Variants in NFIB observed in about 807,000 individuals in gnomAD.
The protein encoded by NFIB is nuclear factor I B.
In NFIB, 11 loss-of-function variants were observed where a neutral mutation model predicts 61.5. That is an observed-to-expected ratio of 0.18 (90% CI 0.11 to 0.30). NFIB has a LOEUF of 0.30. NFIB is among the 10% of genes least tolerant of loss of function. The pLI, the probability that NFIB is intolerant of heterozygous loss-of-function variation, is 1.00. For synonymous variants in NFIB, 260 were observed against 216.5 expected (o/e 1.20, Z -1.76); for missense variants, 471 against 608.9 (o/e 0.77, Z 2.38).
the NFIB span, among the ~76,000 whole-genome samples, chr9:14,486,819 G>A: frequency 6.6e-6 from 1 of 152,068 alleles, no homozygotes; most frequent in Non-Finnish European, 1.5e-5. Flanking sequence ...TAGGAAATTT[G>A]TCCTTACTTT....
the NFIB span, among the ~76,000 whole-genome samples, chr9:14,501,097 T>C: frequency 1.3e-5 from 2 of 152,214 alleles, no homozygotes; most frequent in African/African-American, 4.8e-5. Flanking sequence ...CTTTTGACTT[T>C]TAAAGCTTAC....
chr9:14,448,651 T>C, the NFIB span, among the ~76,000 whole-genome samples: 3 of 152,168 alleles, frequency 2.0e-5, no homozygotes, highest in Admixed American at 2.0e-4. Flanking sequence ...TGGAGTGTAC[T>C]GAATAAGACA....
the NFIB span, among the ~76,000 whole-genome samples, chr9:14,468,778 A>T: frequency 6.6e-6 from 1 of 152,228 alleles, no homozygotes; most frequent in Non-Finnish European, 1.5e-5. Flanking sequence ...TTAAATTCCA[A>T]AACAATTTCA....
At chr9:14,357,858 A>T (rs2061194421) in intron 1 of NFIB, 1 of 152,216 alleles carries the variant, frequency 6.6e-6, no homozygotes, top group African/African-American at 2.4e-5. Context: ...GGACCTTAAA[A>T]TATCATGCTA....
At chr9:14,513,739 T>C in the NFIB span, among the ~76,000 whole-genome samples, 1 of 152,180 alleles carries the variant, frequency 6.6e-6, no homozygotes, top group South Asian at 2.1e-4. Flanking sequence ...TAAGTTTTGA[T>C]ATTGATTACA....
At chr9:14,309,986 G>A (rs973046924) in intron 1 of NFIB, among the ~76,000 whole-genome samples, 4 of 152,262 alleles carry the variant, frequency 2.6e-5, no homozygotes, top group African/African-American at 9.6e-5. Flanking sequence ...GTGGTAACAC[G>A]TAAGTACTTA....
At chr9:14,301,437 G>C (rs966478751) in intron 2 of NFIB, among the ~76,000 whole-genome samples, 22 of 152,060 alleles carry the variant, frequency 1.4e-4, no homozygotes, top group Non-Finnish European at 2.8e-4. Flanking sequence ...GTATATACAG[G>C]GTGGGGGGAA....
chr9:14,293,445 C>T (rs960151943), intron 2 of NFIB, among the ~76,000 whole-genome samples: 2 of 152,152 alleles, frequency 1.3e-5, no homozygotes, highest in African/African-American at 2.4e-5. Flanking sequence ...AATTCACATC[C>T]CTGAGTATGA....
intron 1 of NFIB, among the ~76,000 whole-genome samples, chr9:14,329,414 G>A (rs1242269975): frequency 1.3e-5 from 2 of 152,048 alleles, no homozygotes; most frequent in Admixed American, 6.6e-5. Context: ...CACCTTTTAT[G>A]CTCCAGGTCA....
chr9:14,252,654 T>C (rs2055767742), intron 2 of NFIB, among the ~76,000 whole-genome samples: 1 of 139,902 alleles, frequency 7.1e-6, no homozygotes, highest in South Asian at 2.1e-4. Flanking sequence ...GTCAATGAAC[T>C]ATCTGTTACT....
intron 2 of NFIB, among the ~76,000 whole-genome samples, chr9:14,231,133 A>AT (rs1392498228): frequency 0.055 from 3,629 of 65,722 alleles, 53 homozygotes; most frequent in South Asian, 0.1. Flanking sequence ...AAAAAAAAAA[A>AT]AAATATATAT....
At chr9:14,144,635 C>G (rs7042124) in intron 6 of NFIB, among the ~76,000 whole-genome samples, 7,990 of 152,212 alleles carry the variant, frequency 0.052, 605 homozygotes, top group African/African-American at 0.17. Context: ...GGTCCCTTCT[C>G]TCACAGTGTA....
intron 4 of NFIB, among the ~76,000 whole-genome samples, chr9:14,154,402 C>A (rs185817045): frequency 3.9e-5 from 6 of 152,240 alleles, no homozygotes; most frequent in African/African-American, 1.4e-4. Flanking sequence ...GACACACACA[C>A]CCCTTCAGAT....
chr9:14,173,140 C>A (rs561240480), intron 3 of NFIB, among the ~76,000 whole-genome samples: 7 of 152,260 alleles, frequency 4.6e-5, no homozygotes, highest in African/African-American at 1.7e-4. Context: ...AATGAAAAAA[C>A]CCCTCACTTT....
chr9:14,160,831 CAAA>C lies in NFIB; in HGVS notation c.617-4941_617-4939del, dbSNP rs36063048. Among the ~76,000 whole-genome samples the C allele has an allele frequency of 3.7e-4, 36 of 96,336 alleles. No individual in the cohort carries two copies. In the East Asian group the frequency reaches 9.0e-3, roughly 24 times the overall value. 63.2% of individuals were successfully genotyped at this position (96,336 alleles called of 152,430 possible). A position where few individuals can be genotyped will look rare whatever the true frequency, so the allele number is the denominator to read the frequency against. On this transcript the variant is annotated intron_variant, in intron 3 of 10. Coordinates refer to ENST00000380953, the MANE Select transcript of NFIB (RefSeq NM_001190737.2). ...AATTCTTGCTTTGTGAAGGAAATCTCAAAAAAAAAAAAAAAAAAAACAGAAAAA... is the reference window on the plus strand; with the variant it reads ...AATTCTTGCTTTGTGAAGGAAATCTCAAAAAAAAAAAAAAAAACAGAAAAA...
At chr9:14,401,195 A>C (rs928198814), upstream of NFIB, among the ~76,000 whole-genome samples, 2 of 152,244 alleles carry the variant, frequency 1.3e-5, no homozygotes, top group Non-Finnish European at 2.9e-5. Context: ...CTACCCATTG[A>C]CAACCTCAAT....
At chr9:14,373,453 A>G (rs1043309663) in intron 1 of NFIB, among the ~76,000 whole-genome samples, 2 of 152,214 alleles carry the variant, frequency 1.3e-5, no homozygotes, top group Non-Finnish European at 2.9e-5. Flanking sequence ...TTACAGAGGA[A>G]TAAGTCTTAA....
intron 2 of NFIB, among the ~76,000 whole-genome samples, chr9:14,225,456 C>CAAAAAAA (rs1228589594): frequency 1.9e-4 from 11 of 58,006 alleles, no homozygotes; most frequent in African/African-American, 4.5e-4. Context: ...GACTCCGTCT[C>CAAAAAAA]AAAAAAAAAA....
chr9:14,243,986 G>C (rs941797709), intron 2 of NFIB, among the ~76,000 whole-genome samples: 9 of 152,182 alleles, frequency 5.9e-5, no homozygotes, highest in Admixed American at 1.3e-4. Flanking sequence ...GTGAGAATTA[G>C]CAATGCACTA....
Sources: gnomAD v4.1 joint callset for allele counts (sites outside exome capture counted in the v4.1 genomes callset) on GRCh38, gnomAD v4.1.1 for gene constraint, MANE v1.5 for transcripts, NCBI Gene and HGNC (gene_info 2026-07-23, HGNC 2026-07-21) for gene names.